BMP8B: variants seen among roughly 807,000 people sequenced by gnomAD.
BMP8B encodes the protein bone morphogenetic protein 8 (osteogenic protein 2).
BMP8B carries 17 observed loss-of-function variants against 30.3 expected under a neutral mutation model. The observed-to-expected ratio is 0.56, with a 90% CI of 0.38 to 0.84. The LOEUF (loss-of-function observed/expected upper bound fraction) is 0.84, where lower values mean the gene tolerates loss of function less well. Ranked by LOEUF, BMP8B falls within the 40% of genes least tolerant of loss-of-function variation. The probability of loss-of-function intolerance (pLI) is 0.00; values close to 1 mark genes in which losing one functional copy is unlikely to be tolerated. For synonymous variants in BMP8B, 131 were observed against 214.7 expected (o/e 0.61, Z 3.41); for missense variants, 253 against 494.6 (o/e 0.51, Z 4.63).
chr1:39,783,868 C>G (rs957441112), intron 1 of BMP8B, among the ~76,000 whole-genome samples: 7 of 152,180 alleles, frequency 4.6e-5, no homozygotes, highest in African/African-American at 7.2e-5. Context: ...TATGACCATG[C>G]CACTGCATTC....
chr1:39,761,861 C>A (rs115010671), intron 6 of BMP8B, among the ~76,000 whole-genome samples: 2 of 152,218 alleles, frequency 1.3e-5, no homozygotes, highest in African/African-American at 4.8e-5. Context: ...ACCAACAAAC[C>A]GACAGCCTCC....
chr1:39,783,655 C>G (rs1650800693), intron 1 of BMP8B, among the ~76,000 whole-genome samples: 1 of 152,224 alleles, frequency 6.6e-6, no homozygotes, highest in Non-Finnish European at 1.5e-5. Context: ...TGCCTGTAAT[C>G]CCAGCACTTT....
chr1:39,775,925 G>C (rs2124472379), intron 1 of BMP8B, among the ~76,000 whole-genome samples: 1 of 152,398 alleles, frequency 6.6e-6, no homozygotes, highest in African/African-American at 2.4e-5. Context: ...AGGTGGAGAA[G>C]GTGGCAGGGA....
intron 1 of BMP8B, among the ~76,000 whole-genome samples, chr1:39,776,573 C>T (rs1650246688): frequency 6.6e-6 from 1 of 152,074 alleles, no homozygotes; most frequent in Admixed American, 6.6e-5. Flanking sequence ...AGGCGAACAG[C>T]TGTGCGGGGC....
chr1:39,778,091 G>A (rs1293162298), intron 1 of BMP8B, among the ~76,000 whole-genome samples: 1 of 152,244 alleles, frequency 6.6e-6, no homozygotes, highest in East Asian at 1.9e-4. Context: ...TCAACTCATC[G>A]GCCCCTGTGT....
chr1:39,759,438 C>T lies in BMP8B; in HGVS notation c.*981G>A, dbSNP rs373633076. On this transcript the variant is annotated 3_prime_UTR_variant, in exon 7 of 7. Coordinates refer to ENST00000372827, the MANE Select transcript of BMP8B (RefSeq NM_001720.5). ...GGCAGAAGATGGCAACCAGGTTTCA[C>T]TTTACATCATATCTGTTGGCAGTGG... 6 of 152,370 alleles carry T rather than the reference C, an allele frequency of 3.9e-5. No individual in the cohort carries two copies. Among genetic ancestry groups the T allele is most frequent in the Middle Eastern group, 3.4e-3 (1 of 294 alleles). The allele number at this position is 152,370 out of a possible 1,614,324, so 9.4% of individuals were successfully genotyped here.
In BMP8B at chr1:39,788,686, G is replaced by C. The variant is rs804393; in HGVS notation, c.-201C>G. 8,372 of 303,304 alleles carry C rather than the reference G, an allele frequency of 0.028. 686 individuals carry two copies. Among genetic ancestry groups the C allele is most frequent in the African/African-American group, 0.18 (7,753 of 44,094 alleles). The allele number at this position is 303,304 out of a possible 1,614,324, so 18.8% of individuals were successfully genotyped here. A position where few individuals can be genotyped will look rare whatever the true frequency, so the allele number is the denominator to read the frequency against. ...CGCGCGACACCTGTCCTGGCTCCTG[G>C]ACGAGAGGACGCGGACGCCACCGCC... is the stretch of plus-strand genomic sequence containing the variant. On this transcript the variant is annotated 5_prime_UTR_variant, in exon 1 of 7. Transcript: ENST00000372827. This position sits in a 1 kb window ranked among gnomAD's most constrained non-coding sequence, Gnocchi z 5.8.
At chr1:39,786,229 CT>C (rs1162552526) in intron 1 of BMP8B, among the ~76,000 whole-genome samples, 1 of 152,194 alleles carries the variant, frequency 6.6e-6, no homozygotes, top group Admixed American at 6.5e-5. Flanking sequence ...TTTTGATTGG[CT>C]TTTAGAATCC....
intron 1 of BMP8B, among the ~76,000 whole-genome samples, chr1:39,786,944 G>A (rs541577880): frequency 2.6e-5 from 4 of 152,326 alleles, no homozygotes; most frequent in South Asian, 4.1e-4. Flanking sequence ...AACCTGCTGC[G>A]GCTCAGTCCC....
rs1649887751 is a variant in BMP8B, at chr1:39,770,523, C to T, written c.673+3785G>A. The T allele has an allele frequency of 1.9e-6, 3 of 1,610,352 alleles. 1 individual carries two copies. In the East Asian group the frequency reaches 6.8e-5, roughly 37 times the overall value. ...GCCCCCACCTCCACGATCTCTTCCACCTCCACCGCCGTGACGTCTGCAGCT... is the reference window on the plus strand; with the variant it reads ...GCCCCCACCTCCACGATCTCTTCCATCTCCACCGCCGTGACGTCTGCAGCT... On this transcript the variant is annotated intron_variant, in intron 3 of 6. Coordinates refer to ENST00000372827, the MANE Select transcript of BMP8B (RefSeq NM_001720.5).
At chr1:39,779,382 A>T (rs146611290) in intron 1 of BMP8B, among the ~76,000 whole-genome samples, 2 of 151,162 alleles carry the variant, frequency 1.3e-5, no homozygotes, top group African/African-American at 4.9e-5. Flanking sequence ...CCTGCCACTC[A>T]GGGGCTGGGT....
chr1:39,786,068 G>A (rs776479582), intron 1 of BMP8B, among the ~76,000 whole-genome samples: 2 of 152,192 alleles, frequency 1.3e-5, no homozygotes, highest in African/African-American at 2.4e-5. Flanking sequence ...ATGTCACCCC[G>A]GATGTGCGGT....
chr1:39,763,055 A>AC (rs1649230520), intron 6 of BMP8B, 37 bp downstream of exon 6: 1 of 1,605,560 alleles, frequency 6.2e-7, no homozygotes, highest in Non-Finnish European at 8.5e-7. Flanking sequence ...AGGGCCCCCC[A>AC]CCCCAGGGGG....
chr1:39,762,062 C>G (rs568112496), intron 6 of BMP8B, among the ~76,000 whole-genome samples: 1 of 152,180 alleles, frequency 6.6e-6, no homozygotes. Context: ...TGGGCTGGGC[C>G]GCCCCACGCG....
chr1:39,760,455 G>A lies in BMP8B; in HGVS notation c.1173C>T (p.His391=), dbSNP rs1343138701. The change falls in exon 7 of 7, where the codon CAC becomes CAT. Residue 391 remains histidine (H), a synonymous_variant. Transcript: ENST00000372827. ...CGCAGGCCTTGACCACCATGTTGCGGTGCTTGCGCAGGATGACATTGTTGC... is the reference window on the plus strand; with the variant it reads ...CGCAGGCCTTGACCACCATGTTGCGATGCTTGCGCAGGATGACATTGTTGC... The part of the protein sequence containing the change: ...DSSNNVILRK[H]RNMVVKACGC... 5 of 1,614,166 alleles carry A rather than the reference G, an allele frequency of 3.1e-6. No individual in the cohort carries two copies. The Middle Eastern group carries it at 5.0e-4, about 160-fold the overall frequency.
intron 6 of BMP8B, chr1:39,762,449 AAC>A: frequency 1.4e-6 from 2 of 1,480,500 alleles, no homozygotes; most frequent in East Asian, 2.5e-5. Context: ...AGAATCCACA[AAC>A]ACACAGAGCA....
intron 5 of BMP8B, among the ~76,000 whole-genome samples, chr1:39,763,409 T>TCCCCA (rs1649309059): frequency 2.9e-5 from 3 of 103,100 alleles, no homozygotes; most frequent in South Asian, 8.1e-4. Context: ...GGCCCTCCCC[T>TCCCCA]GCCCACGCCT....
chr1:39,780,917 C>T lies in BMP8B; in HGVS notation c.335-5879G>A, dbSNP rs181227697. Among the ~76,000 whole-genome samples the T allele has an allele frequency of 3.4e-4, 52 of 152,318 alleles. No homozygotes were observed. In the East Asian group the frequency reaches 9.5e-3, roughly 28 times the overall value. On this transcript the variant is annotated intron_variant, in intron 1 of 6. Transcript: ENST00000372827. ...TCTCCAGCCGGGAGCCATGCCTCCT[C>T]TCCTTTGGCCTTGTTTGTCTCCCAG...
In BMP8B at chr1:39,757,910, G is replaced by C. The variant is rs1648463933; in HGVS notation, c.*2509C>G. On this transcript the variant is annotated 3_prime_UTR_variant, in exon 7 of 7. Transcript: ENST00000372827. ...GATAAAAGTTGCTGAAAGTCTGATG[G>C]CCAACTAGGTAGACAAAGCCTTATG... 1 of 152,168 alleles carries C rather than the reference G, an allele frequency of 6.6e-6. No individual in the cohort carries two copies. Among genetic ancestry groups the C allele is most frequent in the Non-Finnish European group, 1.5e-5 (1 of 68,042 alleles). The allele number at this position is 152,168 out of a possible 1,614,324, so 9.4% of individuals were successfully genotyped here.
Sources: allele counts gnomAD v4.1 joint callset (sites outside exome capture counted in the v4.1 genomes callset), GRCh38; gene constraint gnomAD v4.1.1; non-coding constraint Gnocchi (gnomAD v3.1); transcripts MANE v1.5; gene names NCBI Gene and HGNC (gene_info 2026-07-23, HGNC 2026-07-21).